SLC25A48: variants seen among roughly 807,000 people sequenced by gnomAD.
SLC25A48 encodes solute carrier family 25 member 48, also known as CTC-321K16.1.
A neutral mutation model predicts 32.2 loss-of-function variants in SLC25A48; 29 were observed. The observed-to-expected ratio is 0.90, with a 90% CI of 0.67 to 1.23. The LOEUF is 1.23. Among genes scored for constraint, SLC25A48 ranks in the 50% most tolerant of loss-of-function variants. The probability of loss-of-function intolerance (pLI) is 0.00; values close to 1 mark genes in which losing one functional copy is unlikely to be tolerated. For synonymous variants in SLC25A48, 164 were observed against 172.3 expected (o/e 0.95, Z 0.38); for missense variants, 399 against 422.7 (o/e 0.94, Z 0.49).
At chr5:135,650,029 G>A (rs1012744582) in intron 3 of SLC25A48, 9 of 163,190 alleles carry the variant, frequency 5.5e-5, no homozygotes, top group Non-Finnish European at 1.1e-4. Flanking sequence ...CATCGTCAGA[G>A]GCCATTCTCA....
intron 4 of SLC25A48, among the ~76,000 whole-genome samples, chr5:135,823,310 C>A (rs1757939572): frequency 6.6e-6 from 1 of 152,134 alleles, no homozygotes; most frequent in Admixed American, 6.5e-5. Flanking sequence ...CTGGCATAGT[C>A]AATGTGGGAA....
At chr5:135,742,402 C>A in intron 3 of SLC25A48, 2 of 1,288,364 alleles carry the variant, frequency 1.6e-6, no homozygotes, top group Non-Finnish European at 2.0e-6. Flanking sequence ...TATTTAATAG[C>A]CATCACGACC....
chr5:135,837,305 G>T (rs1327135521), intron 1 of SLC25A48, among the ~76,000 whole-genome samples: 17 of 152,228 alleles, frequency 1.1e-4, no homozygotes, highest in African/African-American at 4.1e-4. Context: ...GGGACAGGTG[G>T]TTCTGGACCC....
chr5:135,682,684 G>GAGCT (rs926518202), intron 3 of SLC25A48, among the ~76,000 whole-genome samples: 1 of 152,138 alleles, frequency 6.6e-6, no homozygotes, highest in Admixed American at 6.6e-5. Flanking sequence ...GTGGGGCTCT[G>GAGCT]AGCTATCAAT....
At position 135,871,645 on chromosome 5, in the gene SLC25A48, G is replaced by C. The variant is rs776042672; in HGVS notation, c.606G>C (p.Leu202=). The change falls in exon 5 of 8, where the codon CTG becomes CTC. Residue 202 remains leucine (L), a synonymous_variant. Coordinates refer to ENST00000681962, the MANE Select transcript of SLC25A48 (RefSeq NM_001349336.2). ...TCTACTTCATCCCCTACGTGTTCCTGAGTGAGTGGATCACACCTGAGGCCT... is the reference window on the plus strand; with the variant it reads ...TCTACTTCATCCCCTACGTGTTCCTCAGTGAGTGGATCACACCTGAGGCCT... The part of the protein sequence containing the change: ...YCLYFIPYVF[L]SEWITPEACT... 3 of 1,614,072 alleles carry C rather than the reference G, an allele frequency of 1.9e-6. No homozygotes were observed. The African/African-American group carries it at 4.0e-5, about 22-fold the overall frequency.
At chr5:135,628,767 C>T (rs1335562031) in intron 1 of SLC25A48, among the ~76,000 whole-genome samples, 1 of 152,140 alleles carries the variant, frequency 6.6e-6, no homozygotes, top group African/African-American at 2.4e-5. Context: ...AGGAGCCTCT[C>T]TCCCTCTTTC....
intron 3 of SLC25A48, among the ~76,000 whole-genome samples, chr5:135,736,781 T>C (rs555889742): frequency 6.6e-6 from 1 of 152,256 alleles, no homozygotes; most frequent in East Asian, 1.9e-4. Flanking sequence ...GCCGGAGTTT[T>C]GGGTTCACAG....
chr5:135,778,603 G>A (rs887001335), intron 3 of SLC25A48, among the ~76,000 whole-genome samples: 8 of 150,084 alleles, frequency 5.3e-5, no homozygotes, highest in South Asian at 2.1e-4. Flanking sequence ...TATTTCAGGC[G>A]GTGTACACCC....
At chr5:135,611,474 G>GT (rs1752061289) in intron 1 of SLC25A48, among the ~76,000 whole-genome samples, 1 of 108,752 alleles carries the variant, frequency 9.2e-6, no homozygotes, top group African/African-American at 3.5e-5. Context: ...TCCAGACTCG[G>GT]TGACAGAGCG....
Position 135,840,782 on chromosome 5 carries a change from T to A in SLC25A48, c.47-1634T>A, listed in dbSNP as rs117888651. Among the ~76,000 whole-genome samples the A allele has an allele frequency of 4.1e-4, 62 of 152,366 alleles. 1 individual carries two copies. The East Asian group carries it at 0.01, about 26-fold the overall frequency. ...TATTGCCAAACAGTATTCCTCTGTATAAATATCCCACATTTTGTTTATTCA... is the reference window on the plus strand; with the variant it reads ...TATTGCCAAACAGTATTCCTCTGTAAAAATATCCCACATTTTGTTTATTCA... On this transcript the variant is annotated intron_variant, in intron 1 of 7. Coordinates refer to ENST00000681962, the MANE Select transcript of SLC25A48 (RefSeq NM_001349336.2).
At position 135,806,237 on chromosome 5, in the gene SLC25A48, G is replaced by A. The variant is rs1757460799; in HGVS notation, c.-520-6286G>A. ...TATTATTCCTAATATTCCAGTGGATGTACACCCTGTGGGTATGTACTCTGA... is the reference window on the plus strand; with the variant it reads ...TATTATTCCTAATATTCCAGTGGATATACACCCTGTGGGTATGTACTCTGA... On this transcript the variant is annotated intron_variant, in intron 3 of 10. Coordinates refer to the SLC25A48 transcript ENST00000646290. 2.0e-5 allele frequency among the ~76,000 whole-genome samples: 3 copies of A among 151,600 alleles called. No individual in the cohort carries two copies. The South Asian group carries it at 6.2e-4, about 31-fold the overall frequency.
intron 5 of SLC25A48, chr5:135,872,056 C>A: frequency 8.4e-7 from 1 of 1,192,734 alleles, no homozygotes; most frequent in Non-Finnish European, 1.1e-6. Flanking sequence ...GTAAGGATGC[C>A]ATTAGTTCTA....
intron 3 of SLC25A48, among the ~76,000 whole-genome samples, chr5:135,788,887 G>A (rs1454675328): frequency 2.0e-5 from 3 of 151,636 alleles, no homozygotes; most frequent in Non-Finnish European, 2.9e-5. Context: ...CCCATGTGTC[G>A]GGGGGTGTAC....
intron 3 of SLC25A48, among the ~76,000 whole-genome samples, chr5:135,742,887 T>C (rs1755530480): frequency 7.0e-6 from 1 of 143,634 alleles, no homozygotes; most frequent in African/African-American, 2.6e-5. Context: ...AGAAGAGAAC[T>C]TTGCGTATAG....
At chr5:135,747,616 A>C (rs1755671527) in intron 3 of SLC25A48, among the ~76,000 whole-genome samples, 2 of 152,286 alleles carry the variant, frequency 1.3e-5, no homozygotes, top group South Asian at 4.1e-4. Flanking sequence ...ACAACTACTC[A>C]TTGCTACTGG....
At chr5:135,794,651 G>A (rs1056790380) in intron 3 of SLC25A48, among the ~76,000 whole-genome samples, 2 of 151,432 alleles carry the variant, frequency 1.3e-5, no homozygotes, top group African/African-American at 4.9e-5. Context: ...GATCGCAGGG[G>A]GTGTACAACC....
At chr5:135,587,749 C>T (rs1042013236) in intron 1 of SLC25A48, among the ~76,000 whole-genome samples, 3 of 152,292 alleles carry the variant, frequency 2.0e-5, no homozygotes, top group Admixed American at 6.5e-5. Context: ...AGGTTCTTAA[C>T]GGTGAGCGAT....
intron 4 of SLC25A48, among the ~76,000 whole-genome samples, chr5:135,815,545 C>T (rs1757695326): frequency 1.3e-5 from 2 of 152,172 alleles, no homozygotes. Flanking sequence ...CACAGAAAGG[C>T]CTGAGGGGCT....
In SLC25A48 at chr5:135,595,693, C is replaced by G. The variant is rs192556479; in HGVS notation, c.-849+16096C>G. 1.2e-3 allele frequency among the ~76,000 whole-genome samples: 179 copies of G among 152,268 alleles called. 2 individuals carry two copies. Among genetic ancestry groups the G allele is most frequent in the African/African-American group, 4.2e-3 (175 of 41,546 alleles). On this transcript the variant is annotated intron_variant, in intron 1 of 10. Coordinates refer to the SLC25A48 transcript ENST00000646290. Reference sequence around the variant, plus strand: ...TTAGATGTGTGACTGCTCTGAGACTCCATTTCTTCATTTGTAAATTAAGTG... The same window carrying G: ...TTAGATGTGTGACTGCTCTGAGACTGCATTTCTTCATTTGTAAATTAAGTG...
Sources: allele counts gnomAD v4.1 joint callset (sites outside exome capture counted in the v4.1 genomes callset), GRCh38; gene constraint gnomAD v4.1.1; transcripts MANE v1.5; gene names NCBI Gene and HGNC (gene_info 2026-07-23, HGNC 2026-07-21).